The following UNC13C variants were observed in gnomAD, a reference collection of about 807,000 sequenced individuals.
UNC13C encodes unc-13 homolog C.
A neutral mutation model predicts 245.4 loss-of-function variants in UNC13C; 174 were observed. The ratio of observed to expected loss-of-function variants is 0.71; its 90% CI spans 0.63 to 0.80. The LOEUF (loss-of-function observed/expected upper bound fraction) is 0.80. Ranked by LOEUF, UNC13C falls within the 30% of genes least tolerant of loss-of-function variation. UNC13C has a pLI of 0.00. For synonymous variants in UNC13C, 992 were observed against 895.1 expected, an observed-to-expected ratio of 1.11 and a Z score of -1.93; for missense variants, 2,829 against 2,602.9, an observed-to-expected ratio of 1.09 and a Z score of -1.89.
intron 8 of UNC13C, among the ~76,000 whole-genome samples, chr15:54,252,543 A>C (rs757390158): frequency 1.3e-5 from 2 of 152,154 alleles, no homozygotes; most frequent in African/African-American, 4.8e-5. Context: ...TCCTACAAGT[A>C]TGTATACTTA....
At chr15:53,938,407 C>G in the UNC13C span, among the ~76,000 whole-genome samples, 1 of 151,958 alleles carries the variant, frequency 6.6e-6, no homozygotes. Flanking sequence ...GAGACTTAGA[C>G]TCCCACATAA....
rs74494938 is a variant in UNC13C, at chr15:54,126,369, C to T, written c.2984-16649C>T. ...AAAGTAGACTTCAAAGCAAAGAAAA[C>T]TAACAAAGAGGCACATTATATAATG... On this transcript the variant is annotated intron_variant, in intron 2 of 32. Coordinates refer to ENST00000260323, the MANE Select transcript of UNC13C (RefSeq NM_001080534.3). Among the ~76,000 whole-genome samples, 657 of 152,178 alleles carry T rather than the reference C, an allele frequency of 4.3e-3. 39 individuals are homozygous for T. In the East Asian group the frequency reaches 0.085, roughly 20 times the overall value.
intron 2 of UNC13C, among the ~76,000 whole-genome samples, chr15:54,140,870 A>G (rs1444448729): frequency 1.3e-5 from 2 of 152,248 alleles, no homozygotes; most frequent in Non-Finnish European, 2.9e-5. Flanking sequence ...GAAAGATTTC[A>G]GGGAAGAATA....
intron 2 of UNC13C, among the ~76,000 whole-genome samples, chr15:54,043,925 TAAA>T (rs1372965937): frequency 1.3e-5 from 2 of 152,190 alleles, no homozygotes; most frequent in African/African-American, 4.8e-5. Flanking sequence ...TTTATCAAAA[TAAA>T]TTTACGTAAT....
intron 13 of UNC13C, among the ~76,000 whole-genome samples, chr15:54,307,448 G>A (rs56944681): frequency 0.16 from 24,293 of 151,834 alleles, 2,270 homozygotes; most frequent in East Asian, 0.38. Flanking sequence ...TTGAGTCATA[G>A]GTTTCAACAT....
At chr15:54,170,240 A>T (rs2033345244) in intron 4 of UNC13C, among the ~76,000 whole-genome samples, 1 of 152,128 alleles carries the variant, frequency 6.6e-6, no homozygotes, top group South Asian at 2.1e-4. Context: ...TTTGTATATG[A>T]GAAATATACA....
At chr15:53,983,304 T>C (rs995356874) in intron 1 of UNC13C, among the ~76,000 whole-genome samples, 1 of 152,082 alleles carries the variant, frequency 6.6e-6, no homozygotes, top group African/African-American at 2.4e-5. Flanking sequence ...CCTTCCTCTC[T>C]GGATTGGCAC....
intron 14 of UNC13C, among the ~76,000 whole-genome samples, chr15:54,327,055 A>G (rs1370482434): frequency 2.0e-5 from 3 of 152,156 alleles, no homozygotes; most frequent in East Asian, 1.9e-4. Context: ...AAGTGTCTCT[A>G]TGTGTGTTGA....
chr15:53,861,263 G>T, the UNC13C span, among the ~76,000 whole-genome samples: 1 of 151,996 alleles, frequency 6.6e-6, no homozygotes, highest in Non-Finnish European at 1.5e-5. Flanking sequence ...TATTACTTGG[G>T]TATAGTTATC....
intron 2 of UNC13C, among the ~76,000 whole-genome samples, chr15:54,066,083 A>T (rs889551005): frequency 2.0e-5 from 3 of 152,356 alleles, no homozygotes; most frequent in Admixed American, 2.0e-4. Flanking sequence ...AACAAATAGA[A>T]AAAGTTCAAA....
intron 19 of UNC13C, among the ~76,000 whole-genome samples, chr15:54,455,449 A>G (rs1232132594): frequency 6.7e-6 from 1 of 150,196 alleles, no homozygotes; most frequent in Non-Finnish European, 1.5e-5. Flanking sequence ...GTGTTTCCAC[A>G]GTGGTTTTAC....
At chr15:53,867,482 G>A in the UNC13C span, among the ~76,000 whole-genome samples, 1 of 152,152 alleles carries the variant, frequency 6.6e-6, no homozygotes, top group African/African-American at 2.4e-5. Context: ...AGTGAAAGCC[G>A]CTTTACAACT....
intron 25 of UNC13C, among the ~76,000 whole-genome samples, chr15:54,528,611 C>T (rs778895545): frequency 3.3e-5 from 5 of 151,864 alleles, no homozygotes; most frequent in African/African-American, 1.2e-4. Context: ...ATAACTGTCA[C>T]ACCCCTTGTC....
chr15:53,950,805 G>C, the UNC13C span, among the ~76,000 whole-genome samples: 3 of 152,146 alleles, frequency 2.0e-5, no homozygotes. Context: ...ACCACATTTT[G>C]CATTGCTTAG....
intron 2 of UNC13C, chr15:54,050,016 C>A: frequency 4.2e-6 from 1 of 237,126 alleles, no homozygotes; most frequent in South Asian, 5.2e-5. Flanking sequence ...GTCTCCCAGG[C>A]AAGAGTGCAG....
intron 2 of UNC13C, among the ~76,000 whole-genome samples, chr15:54,089,314 A>G (rs1899428170): frequency 6.6e-6 from 1 of 152,188 alleles, no homozygotes; most frequent in South Asian, 2.1e-4. Flanking sequence ...TATTTGGAAG[A>G]ATGTGTCTAC....
chr15:53,933,949 T>C, the UNC13C span, among the ~76,000 whole-genome samples: 10 of 152,162 alleles, frequency 6.6e-5, 1 homozygote, highest in South Asian at 2.1e-3. Context: ...GGCTCATGGT[T>C]CTGCAGGCTG....
At chr15:54,242,243 G>A (rs941780173) in intron 7 of UNC13C, among the ~76,000 whole-genome samples, 6 of 152,030 alleles carry the variant, frequency 3.9e-5, no homozygotes, top group African/African-American at 1.4e-4. Context: ...TGAAGGACTG[G>A]CAAAACTTGT....
rs1299171479 is a variant in UNC13C, at chr15:54,406,077, A to G, written c.4848-8905A>G. ...TAACAAGATCCATTAACAAGAGAAG[A>G]GCATACAAATTTATTTAACATAAGC... On this transcript the variant is annotated intron_variant, in intron 18 of 32. Transcript: ENST00000260323. Among the ~76,000 whole-genome samples the G allele has an allele frequency of 2.0e-5, 3 of 152,274 alleles. No homozygotes were observed. The South Asian group carries it at 6.2e-4, about 32-fold the overall frequency.
Sources: allele counts gnomAD v4.1 joint callset (sites outside exome capture counted in the v4.1 genomes callset), GRCh38; gene constraint gnomAD v4.1.1; transcripts MANE v1.5; gene names NCBI Gene and HGNC (gene_info 2026-07-23, HGNC 2026-07-21).